MCF2L: variants seen among roughly 807,000 people sequenced by gnomAD.
The protein encoded by MCF2L is guanine nucleotide exchange factor DBS.
Under a neutral mutation model 153.4 loss-of-function variants are expected in MCF2L, and 97 were observed. The observed-to-expected ratio is 0.63, with a 90% CI of 0.54 to 0.75. The LOEUF (loss-of-function observed/expected upper bound fraction) is 0.75. Ranked by LOEUF, MCF2L falls within the 30% of genes least tolerant of loss-of-function variation. MCF2L has a pLI of 0.00. For missense variants in MCF2L, 1,347 were observed against 1,495.2 expected, an observed-to-expected ratio of 0.90 and a Z score of 1.64; for synonymous variants, 659 against 632.2, an observed-to-expected ratio of 1.04 and a Z score of -0.64.
chr13:113,021,027 T>C (rs1377099296), intron 2 of MCF2L, among the ~76,000 whole-genome samples: 3 of 144,450 alleles, frequency 2.1e-5, no homozygotes. Context: ...GGTAGCTGTG[T>C]ATGTGCGTGT....
At chr13:112,963,106 T>A (rs2081852369) in intron 2 of MCF2L, among the ~76,000 whole-genome samples, 1 of 152,100 alleles carries the variant, frequency 6.6e-6, no homozygotes, top group Non-Finnish European at 1.5e-5. Flanking sequence ...ATGGCAGCCT[T>A]CTCTCATGCC....
rs1025671430 is a variant in MCF2L, at chr13:112,969,456, C to T, written c.77C>T (p.Thr26Met). The T allele has an allele frequency of 6.5e-7, 1 of 1,549,998 alleles. No homozygotes were observed. Among genetic ancestry groups the T allele is most frequent in the African/African-American group, 1.4e-5 (1 of 73,032 alleles). ...AGATTAAATGCGGTTTCCAAGCACA[C>T]GGGTAGGAGGAGCTGCTGGCCGTCA... ...VQRLNAVSKH[T>M]DEIMHQDIVP... The change falls in exon 1 of 30, where the codon ACG (threonine) becomes ATG (methionine). Residue 26 changes from threonine to methionine, a missense_variant and splice_region_variant. Thr to Met is a moderately conservative substitution (Grantham distance 81). Transcript: ENST00000535094. The surrounding 1 kb of genome is among the most constrained non-coding windows in gnomAD (Gnocchi z 4.8).
In MCF2L at chr13:113,070,601, G is replaced by A. The variant is rs1038120143; in HGVS notation, c.996+428G>A. Among the ~76,000 whole-genome samples, 7 of 149,982 alleles carry A rather than the reference G, an allele frequency of 4.7e-5. No homozygotes were observed. Among genetic ancestry groups the A allele is most frequent in the Non-Finnish European group, 1.5e-5 (1 of 67,674 alleles). On this transcript the variant is annotated intron_variant, in intron 9 of 29. Transcript: ENST00000535094. This position sits in a 1 kb window ranked among gnomAD's most constrained non-coding sequence, Gnocchi z 5.6. ...CCAGACCCAGACGTCTCCCTCCTGC[G>A]GCCCTTCGTGGACTCACCCATGTCC...
chr13:113,048,160 G>A lies in MCF2L; in HGVS notation c.369+2799G>A, dbSNP rs117194231. The stretch of plus-strand genomic sequence containing the variant: ...TCGATCTTCAGCTGCCGAGTGTCCT[G>A]TTCCGTTCACCGAGTGTGTGATCGG... On this transcript the variant is annotated intron_variant, in intron 4 of 29. Coordinates refer to ENST00000535094, the MANE Select transcript of MCF2L (RefSeq NM_001112732.3). Among the ~76,000 whole-genome samples, 805 of 152,378 alleles carry A rather than the reference G, an allele frequency of 5.3e-3. 1 individual carries two copies. The highest frequency in any genetic ancestry group is 8.0e-3 in the Non-Finnish European group (542 of 68,036).
rs1168669211 is a variant in MCF2L at position 113,096,995 on chromosome 13, A to C, written c.*136A>C. On this transcript the variant is annotated 3_prime_UTR_variant, in exon 30 of 30. Transcript: ENST00000535094. ...CGCCTGGCCGTGCGGGCTGCAGAGG[A>C]CCCCTCCGGGGCAGAGGCAGGTTCC... is the stretch of plus-strand genomic sequence containing the variant. 16 of 524,522 alleles carry C rather than the reference A, an allele frequency of 3.1e-5. No individual in the cohort carries two copies. The highest frequency in any genetic ancestry group is 1.5e-4 in the South Asian group (3 of 19,608). The allele number at this position is 524,522 out of a possible 1,614,324, so 32.5% of individuals were successfully genotyped here.
In MCF2L at chr13:112,983,725, G is replaced by T. The variant is rs2082525028; in HGVS notation, c.79+14267G>T. ...TCTGACGCACTGTGGCCCCGGGGAAGCGTGGTGTCTGCAGCCTCCTGGGCC... is the reference window on the plus strand; with the variant it reads ...TCTGACGCACTGTGGCCCCGGGGAATCGTGGTGTCTGCAGCCTCCTGGGCC... On this transcript the variant is annotated intron_variant, in intron 1 of 29. Coordinates refer to ENST00000535094, the MANE Select transcript of MCF2L (RefSeq NM_001112732.3). The surrounding 1 kb of genome is among the most constrained non-coding windows in gnomAD (Gnocchi z 4.0). 6.6e-6 allele frequency among the ~76,000 whole-genome samples: 1 copy of T among 152,226 alleles called. No homozygotes were observed. Among genetic ancestry groups the T allele is most frequent in the African/African-American group, 2.4e-5 (1 of 41,462 alleles).
intron 1 of MCF2L, among the ~76,000 whole-genome samples, chr13:112,896,746 C>T (rs1289496261): frequency 2.0e-5 from 3 of 152,226 alleles, no homozygotes; most frequent in Non-Finnish European, 4.4e-5. Context: ...CTCCCAAGGA[C>T]GCTGTGAGAC....
At chr13:112,927,508 C>T (rs2081420312) in intron 2 of MCF2L, among the ~76,000 whole-genome samples, 1 of 152,112 alleles carries the variant, frequency 6.6e-6, no homozygotes, top group African/African-American at 2.4e-5. Flanking sequence ...AACGAGCCTA[C>T]AACATCTTGT....
rs1448802540 is a variant in MCF2L at position 112,943,679 on chromosome 13, G to A, written c.169+41308G>A. Among the ~76,000 whole-genome samples the A allele has an allele frequency of 6.6e-6, 1 of 152,170 alleles. No individual in the cohort carries two copies. The highest frequency in any genetic ancestry group is 1.5e-5 in the Non-Finnish European group (1 of 68,020). On this transcript the variant is annotated intron_variant, in intron 2 of 29. Transcript: ENST00000375608. This position sits in a 1 kb window ranked among gnomAD's most constrained non-coding sequence, Gnocchi z 4.2. ...CCGGGGACAGACGGGGAAGGCGGGA[G>A]CGCTCGCAGTTCCCTCCTGGAGGGA...
intron 2 of MCF2L, among the ~76,000 whole-genome samples, chr13:112,920,140 G>T (rs761645584): frequency 2.2e-4 from 33 of 152,206 alleles, no homozygotes; most frequent in Non-Finnish European, 5.9e-5. Context: ...GGTGTCTAAG[G>T]GAGAGAATCT....
chr13:112,908,756 C>CA (rs1201636135), intron 2 of MCF2L, among the ~76,000 whole-genome samples: 48 of 131,436 alleles, frequency 3.7e-4, no homozygotes, highest in African/African-American at 1.1e-3. Flanking sequence ...TTTTTTGAGA[C>CA]AGAGTCTCAC....
rs771270275 is a variant in MCF2L at position 113,082,433 on chromosome 13, G to T, written c.1882G>T (p.Ala628Ser). The change falls in exon 17 of 30, where the codon GCC (alanine) becomes TCC (serine). Residue 628 changes from alanine (A) to serine (S), a missense_variant. By Grantham distance (99) the Ala-to-Ser change is moderately conservative. Coordinates refer to ENST00000535094, the MANE Select transcript of MCF2L (RefSeq NM_001112732.3). ...EELLCVLEGY[A>S]AEMDNPLMAH... is the part of the protein sequence containing the mutation. ...CTCTGCGCTCTCCCTGCAGGGCTAC[G>T]CCGCGGAGATGGATAACCCACTGAT... The T allele has an allele frequency of 1.2e-5, 19 of 1,610,868 alleles. No homozygotes were observed. Among genetic ancestry groups the T allele is most frequent in the Non-Finnish European group, 1.5e-5 (18 of 1,177,336 alleles).
rs200742569 is a variant in MCF2L at position 113,056,661 on chromosome 13, G to C, written c.370-3932G>C. On this transcript the variant is annotated intron_variant, in intron 4 of 29. Transcript: ENST00000535094. ...TGTGTGTTTGGGTGCTGAGTGGTTG[G>C]GTGCTGTGTGGGTGCGGAGTGTTTG... 2.2e-4 allele frequency among the ~76,000 whole-genome samples: 32 copies of C among 145,944 alleles called. No homozygotes were observed. The East Asian group carries it at 3.8e-3, about 18-fold the overall frequency.
intron 3 of MCF2L, among the ~76,000 whole-genome samples, chr13:113,037,046 C>T (rs2086200321): frequency 6.6e-6 from 1 of 152,218 alleles, no homozygotes; most frequent in African/African-American, 2.4e-5. Flanking sequence ...GCCGTGCGGT[C>T]CAGCGGCCCT....
rs983762299 is a variant in MCF2L, at chr13:113,070,785, T to C, written c.996+612T>C. Among the ~76,000 whole-genome samples the C allele has an allele frequency of 6.6e-6, 1 of 152,222 alleles. No individual in the cohort carries two copies. The highest frequency in any genetic ancestry group is 2.4e-5 in the African/African-American group (1 of 41,456). ...CCCCCAGGTGCCGGTGGCTCACTCA[T>C]TGTGTTCCCCGGTGTGGACGGACCA... On this transcript the variant is annotated intron_variant, in intron 9 of 29. Coordinates refer to ENST00000535094, the MANE Select transcript of MCF2L (RefSeq NM_001112732.3). This position sits in a 1 kb window ranked among gnomAD's most constrained non-coding sequence, Gnocchi z 5.6.
intron 2 of MCF2L, among the ~76,000 whole-genome samples, chr13:112,915,304 G>A (rs2081279560): frequency 6.6e-6 from 1 of 151,240 alleles, no homozygotes; most frequent in African/African-American, 2.4e-5. Flanking sequence ...AGCTACTCAG[G>A]AGGCTGAGGC....
In MCF2L at chr13:113,094,614, C is replaced by T; in HGVS notation, c.3054C>T (p.Gly1018=). The T allele has an allele frequency of 6.8e-6, 11 of 1,611,026 alleles. No homozygotes were observed. The highest frequency in any genetic ancestry group is 1.3e-5 in the African/African-American group (1 of 75,018). ...ACTCGTCCGACGCAGAGGAGGACGG[C>T]GGGTTGGGCCCCAAGAAGCTGGTAA... ...QINSSDAEED[G]GLGPKKLVPG... is the part of the protein sequence containing the mutation. Residue 1018 remains glycine, a synonymous_variant, in exon 27 of 30, where the codon GGC becomes GGT. Transcript: ENST00000535094.
chr13:113,090,317 G>A, intron 26 of MCF2L: 1 of 1,218,610 alleles, frequency 8.2e-7, no homozygotes, highest in South Asian at 1.5e-5. Context: ...CTCGCGCACA[G>A]ACACCAGAGT....
At chr13:113,085,206 C>G (rs2034514672) in intron 20 of MCF2L, 28 bp downstream of exon 20, 3 of 1,599,790 alleles carry the variant, frequency 1.9e-6, no homozygotes, top group Non-Finnish European at 1.7e-6. Context: ...CGTGGCCCGG[C>G]CTCCCCAGCA....
Sources: allele counts gnomAD v4.1 joint callset (sites outside exome capture counted in the v4.1 genomes callset), GRCh38; gene constraint gnomAD v4.1.1; non-coding constraint Gnocchi (gnomAD v3.1); transcripts MANE v1.5; gene names NCBI Gene and HGNC (gene_info 2026-07-23, HGNC 2026-07-21).